ANKS1B: variants seen among roughly 807,000 people sequenced by gnomAD.
ANKS1B encodes ankyrin repeat and sterile alpha motif domain containing 1B, also known as ankyrin repeat and sterile alpha motif domain-containing protein 1B.
ANKS1B carries 36 observed loss-of-function variants against 148.3 expected under a neutral mutation model. The observed-to-expected ratio is 0.24, with a 90% CI of 0.19 to 0.32. The LOEUF (loss-of-function observed/expected upper bound fraction) is 0.32. ANKS1B is among the 10% of genes least tolerant of loss of function. The probability of loss-of-function intolerance (pLI) is 1.00; values close to 1 mark genes in which losing one functional copy is unlikely to be tolerated. For synonymous variants in ANKS1B, 542 were observed against 560.8 expected (o/e 0.97, Z 0.47); for missense variants, 1,157 against 1,542.6 (o/e 0.75, Z 4.19).
chr12:99,479,918 T>C (rs756816283), intron 10 of ANKS1B, among the ~76,000 whole-genome samples: 63 of 152,004 alleles, frequency 4.1e-4, no homozygotes, highest in Non-Finnish European at 6.2e-4. Flanking sequence ...AAATAGTAGG[T>C]ATGTGAGGTG....
At chr12:99,132,611 A>G (rs1432056550) in intron 15 of ANKS1B, among the ~76,000 whole-genome samples, 1 of 152,194 alleles carries the variant, frequency 6.6e-6, no homozygotes, top group Admixed American at 6.5e-5. Flanking sequence ...ATAGTGGCCA[A>G]AAAAAGGGGG....
intron 17 of ANKS1B, among the ~76,000 whole-genome samples, chr12:99,001,144 A>T (rs996884154): frequency 6.6e-6 from 1 of 151,098 alleles, no homozygotes; most frequent in East Asian, 1.9e-4. Context: ...TTTTGTGTTT[A>T]TTTTTTTTGA....
intron 17 of ANKS1B, among the ~76,000 whole-genome samples, chr12:99,047,642 T>C (rs1402148801): frequency 6.6e-6 from 1 of 152,204 alleles, no homozygotes; most frequent in Non-Finnish European, 1.5e-5. Context: ...GGCAGGTTTC[T>C]TGTTAGAAAT....
chr12:99,762,725 A>G (rs114377589), intron 8 of ANKS1B, among the ~76,000 whole-genome samples: 1,726 of 152,272 alleles, frequency 0.011, 43 homozygotes, highest in African/African-American at 0.038. Context: ...GTAAACAGAC[A>G]ACTTACAGAA....
At chr12:99,545,052 C>T (rs1596714845) in intron 9 of ANKS1B, among the ~76,000 whole-genome samples, 3 of 152,018 alleles carry the variant, frequency 2.0e-5, no homozygotes, top group Non-Finnish European at 4.4e-5. Flanking sequence ...AGGAAGGTTA[C>T]CTTAATTGAT....
intron 12 of ANKS1B, among the ~76,000 whole-genome samples, chr12:99,254,575 C>G (rs2075036421): frequency 6.6e-6 from 1 of 152,174 alleles, no homozygotes; most frequent in South Asian, 2.1e-4. Context: ...TGCTACTGCA[C>G]TGCAATGTAC....
At chr12:99,565,737 A>G (rs1197339998) in intron 9 of ANKS1B, among the ~76,000 whole-genome samples, 3 of 152,086 alleles carry the variant, frequency 2.0e-5, no homozygotes, top group African/African-American at 7.2e-5. Flanking sequence ...TTCCTTTTGT[A>G]GTATTGTCTC....
intron 10 of ANKS1B, among the ~76,000 whole-genome samples, chr12:99,452,751 T>G (rs2095766571): frequency 6.6e-6 from 1 of 152,230 alleles, no homozygotes; most frequent in East Asian, 1.9e-4. Context: ...CACATTTTAC[T>G]TTCTCTAGTG....
chr12:99,264,957 G>A (rs767220506), intron 12 of ANKS1B, among the ~76,000 whole-genome samples: 8 of 152,110 alleles, frequency 5.3e-5, no homozygotes, highest in South Asian at 2.1e-4. Flanking sequence ...CCTAGTGTAG[G>A]GCTGTTCAGT....
chr12:98,813,003 T>C (rs1026286340), intron 19 of ANKS1B, among the ~76,000 whole-genome samples: 22 of 152,180 alleles, frequency 1.4e-4, no homozygotes, highest in African/African-American at 5.3e-4. Context: ...CTCCTAGACA[T>C]AGGGTCATTA....
chr12:99,387,155 TAAAG>T (rs1008829758), intron 12 of ANKS1B, among the ~76,000 whole-genome samples: 10 of 152,136 alleles, frequency 6.6e-5, no homozygotes, highest in African/African-American at 1.9e-4. Flanking sequence ...TGGTGGGAGT[TAAAG>T]AAGGCTTCAC....
chr12:98,804,731 G>A (rs1431836809), intron 20 of ANKS1B, among the ~76,000 whole-genome samples: 1 of 152,044 alleles, frequency 6.6e-6, no homozygotes, highest in Admixed American at 6.5e-5. Flanking sequence ...TGGAATGGAA[G>A]AAGAGGTCAA....
chr12:99,422,588 C>T (rs1346854373), intron 11 of ANKS1B, among the ~76,000 whole-genome samples: 6 of 152,014 alleles, frequency 3.9e-5, no homozygotes, highest in Non-Finnish European at 7.4e-5. Flanking sequence ...CATGAAATGC[C>T]GTAATCCTGA....
chr12:99,648,680 T>C (rs1411003979), intron 9 of ANKS1B: 1 of 1,614,056 alleles, frequency 6.2e-7, no homozygotes, highest in African/African-American at 1.3e-5. Context: ...TGGGAAAACC[T>C]TGTTTACATC....
At chr12:98,956,353 C>G (rs2099862100) in intron 17 of ANKS1B, 1 of 152,214 alleles carries the variant, frequency 6.6e-6, no homozygotes, top group Admixed American at 6.5e-5. Flanking sequence ...TCTTCTCCTA[C>G]CTGGTTTCCC....
chr12:99,690,972 C>G (rs2098676151), intron 8 of ANKS1B, among the ~76,000 whole-genome samples: 1 of 152,212 alleles, frequency 6.6e-6, no homozygotes, highest in South Asian at 2.1e-4. Context: ...AGGCATTTCC[C>G]TACATCCTCT....
intron 14 of ANKS1B, among the ~76,000 whole-genome samples, chr12:99,225,990 T>C (rs2153944220): frequency 6.6e-6 from 1 of 152,350 alleles, no homozygotes; most frequent in Middle Eastern, 3.4e-3. Flanking sequence ...ATTTTTCCTT[T>C]TATACTATCT....
intron 8 of ANKS1B, among the ~76,000 whole-genome samples, chr12:99,681,897 T>G (rs12310091): frequency 0.031 from 4,784 of 152,158 alleles, 280 homozygotes; most frequent in African/African-American, 0.11. Flanking sequence ...AGGACTCACA[T>G]AAACTTAAGG....
At chr12:99,452,627 G>A (rs915257799) in intron 10 of ANKS1B, among the ~76,000 whole-genome samples, 1 of 152,118 alleles carries the variant, frequency 6.6e-6, no homozygotes, top group African/African-American at 2.4e-5. Flanking sequence ...AAGTAAAAAA[G>A]CCCAAGTATC....
Sources: gnomAD v4.1 joint callset for allele counts (sites outside exome capture counted in the v4.1 genomes callset) on GRCh38, gnomAD v4.1.1 for gene constraint, MANE v1.5 for transcripts, NCBI Gene and HGNC (gene_info 2026-07-23, HGNC 2026-07-21) for gene names.